Variants in CYTH4 observed in about 807,000 individuals in gnomAD.
CYTH4 encodes the protein cytohesin-4.
A neutral mutation model predicts 57.5 loss-of-function variants in CYTH4; 22 were observed. That is an observed-to-expected ratio of 0.38 (90% CI 0.27 to 0.55). The LOEUF (loss-of-function observed/expected upper bound fraction) is 0.55. Among genes scored for constraint, CYTH4 ranks in the 20% least tolerant of loss-of-function variants. The pLI is 0.74. For missense variants in CYTH4, 420 were observed against 535.6 expected (o/e 0.78, Z 2.13); for synonymous variants, 186 against 206.5 (o/e 0.90, Z 0.85).
chr22:37,311,610 G>A lies in CYTH4; in HGVS notation c.957+83G>A, dbSNP rs1186201834. The A allele has an allele frequency of 5.0e-6, 7 of 1,395,386 alleles. No individual in the cohort carries two copies. Among genetic ancestry groups the A allele is most frequent in the Non-Finnish European group, 7.1e-6 (7 of 989,148 alleles). The allele number at this position is 1,395,386 out of a possible 1,614,324, so 86.4% of individuals were successfully genotyped here. On this transcript the variant is annotated intron_variant, in intron 11 of 12. Transcript: ENST00000248901. The surrounding 1 kb of genome is among the most constrained non-coding windows in gnomAD (Gnocchi z 4.4). ...GAACGTGGGGAGAGGGCCTGAGGCT[G>A]GGCTCTCCAGGAAGCCAGGCTGTGC...
chr22:37,292,223 C>G (rs529619134), intron 1 of CYTH4: 71 of 174,486 alleles, frequency 4.1e-4, no homozygotes, highest in Non-Finnish European at 6.3e-4. Flanking sequence ...ATTCAAGTTC[C>G]GGGGAAGGAA....
chr22:37,300,273 T>C (rs1055163128), intron 6 of CYTH4: 1 of 715,006 alleles, frequency 1.4e-6, no homozygotes, highest in East Asian at 2.7e-5. Context: ...GGGAGAGGGG[T>C]AGGTGACTTG....
At chr22:37,287,773 C>T (rs975989291) in intron 1 of CYTH4, among the ~76,000 whole-genome samples, 5 of 152,312 alleles carry the variant, frequency 3.3e-5, no homozygotes, top group South Asian at 2.1e-4. Flanking sequence ...AGACCTGGGG[C>T]GAGTCACTTC....
intron 1 of CYTH4, among the ~76,000 whole-genome samples, chr22:37,284,344 G>A (rs909534196): frequency 3.3e-5 from 5 of 152,144 alleles, no homozygotes; most frequent in Non-Finnish European, 7.4e-5. Context: ...GTTGGGGGTG[G>A]GGTGGAGAGG....
At chr22:37,283,655 G>C (rs191130755) in intron 1 of CYTH4, among the ~76,000 whole-genome samples, 1 of 152,040 alleles carries the variant, frequency 6.6e-6, no homozygotes, top group South Asian at 2.1e-4. Context: ...AGGGAGAAAA[G>C]AGGCCAAGGG....
intron 1 of CYTH4, among the ~76,000 whole-genome samples, chr22:37,284,139 G>A (rs1044049425): frequency 2.4e-4 from 36 of 152,204 alleles, no homozygotes; most frequent in African/African-American, 8.7e-4. Flanking sequence ...GAGGGCAGGG[G>A]AGGGGAGTCT....
At chr22:37,308,873 C>T (rs9607441) in intron 8 of CYTH4, among the ~76,000 whole-genome samples, 4,505 of 46,722 alleles carry the variant, frequency 0.096, 232 homozygotes, top group African/African-American at 0.25. Context: ...CATACATGTG[C>T]GTGTGTGTGC....
intron 8 of CYTH4, among the ~76,000 whole-genome samples, chr22:37,308,397 C>T (rs1323369211): frequency 2.0e-5 from 3 of 151,028 alleles, no homozygotes; most frequent in African/African-American, 7.3e-5. Context: ...TGTCAGTGTG[C>T]ATGCATGTAT....
rs74467033 is a variant in CYTH4 at position 37,295,746 on chromosome 22, C to A, written c.168-253C>A. ...CAGGGCCCCTCCACCTTCTCCCACA[C>A]GGCAGCTCCGGGTTCCTGCAAGCTG... On this transcript the variant is annotated intron_variant, in intron 3 of 12. Transcript: ENST00000248901. The surrounding 1 kb of genome is among the most constrained non-coding windows in gnomAD (Gnocchi z 4.1). Among the ~76,000 whole-genome samples, 9 of 152,222 alleles carry A rather than the reference C, an allele frequency of 5.9e-5. No homozygotes were observed. The highest frequency in any genetic ancestry group is 1.2e-4 in the Non-Finnish European group (8 of 68,046).
chr22:37,298,033 A>G lies in CYTH4; in HGVS notation c.353+351A>G. The G allele has an allele frequency of 5.1e-6, 1 of 197,336 alleles. No homozygotes were observed. The allele number at this position is 197,336 out of a possible 1,614,324, so 12.2% of individuals were successfully genotyped here. On this transcript the variant is annotated intron_variant, in intron 5 of 12. Transcript: ENST00000248901. This position sits in a 1 kb window ranked among gnomAD's most constrained non-coding sequence, Gnocchi z 4.1. ...GTTGTAAAATATGTTAGAGAATGAT[A>G]AGCTCTGTGGAATACAAATCGAGCA...
chr22:37,297,292 G>A (rs571302890), intron 4 of CYTH4, among the ~76,000 whole-genome samples: 5 of 152,260 alleles, frequency 3.3e-5, no homozygotes, highest in East Asian at 1.9e-4. Context: ...ATCAAAGAAT[G>A]TCAGACTGAG....
intron 1 of CYTH4, among the ~76,000 whole-genome samples, chr22:37,287,577 G>T (rs1284228772): frequency 6.6e-6 from 1 of 151,894 alleles, no homozygotes. Flanking sequence ...TGCCGGAAGA[G>T]TTCCGGAGCC....
chr22:37,289,363 G>A (rs912589115), intron 1 of CYTH4, among the ~76,000 whole-genome samples: 7 of 152,200 alleles, frequency 4.6e-5, no homozygotes, highest in Admixed American at 4.6e-4. Flanking sequence ...CCTGCCTGAA[G>A]CCCTGCCCCC....
At chr22:37,294,518 TG>T in intron 2 of CYTH4, 141 bp from the exon 3 acceptor site, 1 of 794,062 alleles carries the variant, frequency 1.3e-6, no homozygotes, top group Non-Finnish European at 2.0e-6. Context: ...TCCCTCAGAC[TG>T]GGGACTCAGG....
intron 2 of CYTH4, among the ~76,000 whole-genome samples, chr22:37,294,094 C>T (rs768956692): frequency 6.7e-6 from 1 of 149,070 alleles, no homozygotes; most frequent in Non-Finnish European, 1.5e-5. Context: ...GGGGTTTGAG[C>T]AGGGGAAGGG....
chr22:37,314,731 AC>A lies in CYTH4; in HGVS notation c.*1225del, dbSNP rs1473855674. Reference sequence around the variant, plus strand: ...AGTCCACTAACAGGAAACACTTCTCACCCCCTCACACAGGCCCAGGGGAGCC... The same window carrying A: ...AGTCCACTAACAGGAAACACTTCTCACCCCTCACACAGGCCCAGGGGAGCC... On this transcript the variant is annotated 3_prime_UTR_variant, in exon 13 of 13. Coordinates refer to ENST00000248901, the MANE Select transcript of CYTH4 (RefSeq NM_013385.5). 4 of 268,398 alleles carry A rather than the reference AC, an allele frequency of 1.5e-5. No homozygotes were observed. Among genetic ancestry groups the A allele is most frequent in the African/African-American group, 8.8e-5 (4 of 45,530 alleles). 16.6% of individuals were successfully genotyped at this position (268,398 alleles called of 1,614,324 possible).
rs1020456666 is a variant in CYTH4 at position 37,286,506 on chromosome 22, G to A, written c.19+3918G>A. On this transcript the variant is annotated intron_variant, in intron 1 of 12. Transcript: ENST00000248901. ...CTTCCTTAACCAACGGCGTGGCTTG[G>A]TTATTGAGCCATGCAGATCCCAGAA... 1.9e-4 allele frequency among the ~76,000 whole-genome samples: 29 copies of A among 152,140 alleles called. 2 individuals are homozygous for A. The highest frequency in any genetic ancestry group is 1.4e-3 in the Admixed American group (21 of 15,278).
Position 37,301,358 on chromosome 22 carries a change from T to C in CYTH4, c.547+339T>C, listed in dbSNP as rs147370111. ...TCTGAATGGGGTTTTGAAGGATGAG[T>C]AGGAGTTTTCCAGGAGGTTAAGGGG... On this transcript the variant is annotated intron_variant, in intron 7 of 12. Transcript: ENST00000248901. Among the ~76,000 whole-genome samples the C allele has an allele frequency of 3.1e-3, 478 of 151,952 alleles. 2 individuals carry two copies. Among genetic ancestry groups the C allele is most frequent in the African/African-American group, 0.011 (470 of 41,442 alleles).
In CYTH4 at chr22:37,312,080, G is replaced by A. The variant is rs778743869; in HGVS notation, c.1018G>A (p.Asp340Asn). Residue 340 changes from aspartate (D) to asparagine (N), a missense_variant, in exon 12 of 13, where the codon GAT becomes AAT. Coordinates refer to ENST00000248901, the MANE Select transcript of CYTH4 (RefSeq NM_013385.5). ...CCAGAAAATCAAGGCCTGCAAGACC[G>A]ATGGCGACGGCAGGGTGGTGGAGGG... ...RGQKIKACKT[D>N]GDGRVVEGKH... 16 of 1,614,096 alleles carry A rather than the reference G, an allele frequency of 9.9e-6. No individual in the cohort carries two copies. The highest frequency in any genetic ancestry group is 8.3e-5 in the Admixed American group (5 of 60,004).
Sources: gnomAD v4.1 joint callset for allele counts (sites outside exome capture counted in the v4.1 genomes callset) on GRCh38, gnomAD v4.1.1 for gene constraint, Gnocchi (gnomAD v3.1) non-coding constraint, MANE v1.5 for transcripts, NCBI Gene and HGNC (gene_info 2026-07-23, HGNC 2026-07-21) for gene names.